PCDHGB1: variants seen among roughly 807,000 people sequenced by gnomAD.
The protein encoded by PCDHGB1 is protocadherin gamma-B1.
A neutral mutation model predicts 56.6 loss-of-function variants in PCDHGB1; 34 were observed. The ratio of observed to expected loss-of-function variants is 0.60; its 90% CI spans 0.46 to 0.80. The LOEUF (loss-of-function observed/expected upper bound fraction) is 0.80. Among genes scored for constraint, PCDHGB1 ranks in the 30% least tolerant of loss-of-function variants. The pLI is 0.00. For missense variants in PCDHGB1, 1,278 were observed against 1,204.6 expected (o/e 1.06, Z -0.90); for synonymous variants, 561 against 505.9 (o/e 1.11, Z -1.46).
chr5:141,419,350 G>A, intron 1 of PCDHGB1: 1 of 1,613,848 alleles, frequency 6.2e-7, no homozygotes, highest in Non-Finnish European at 8.5e-7. Context: ...GCGACCTGGA[G>A]TCACGAACGC....
At position 141,420,090 on chromosome 5, in the gene PCDHGB1, G is replaced by A. The variant is rs779478924; in HGVS notation, c.2409+67421G>A. 4.2e-5 allele frequency: 68 copies of A among 1,613,932 alleles called. No individual in the cohort carries two copies. Among genetic ancestry groups the A allele is most frequent in the Non-Finnish European group, 5.7e-5 (67 of 1,179,886 alleles). On this transcript the variant is annotated intron_variant, in intron 1 of 3. Coordinates refer to ENST00000523390, the MANE Select transcript of PCDHGB1 (RefSeq NM_018922.3). ...GGACCTGTGGGTCCCCCCAACTACA[G>A]TGAGGGAACGTTGCCCTATGCCTAT...
chr5:141,394,194 A>C (rs919478906), intron 1 of PCDHGB1: 3 of 1,613,842 alleles, frequency 1.9e-6, no homozygotes, highest in Non-Finnish European at 2.5e-6. Flanking sequence ...CTCAGCGTAT[A>C]TCCTAGAGAA....
At chr5:141,414,894 A>T in intron 1 of PCDHGB1, 1 of 1,613,958 alleles carries the variant, frequency 6.2e-7, no homozygotes, top group South Asian at 1.1e-5. Flanking sequence ...CCCTCCCCAC[A>T]GACGGTTCCA....
At chr5:141,418,974 G>A in intron 1 of PCDHGB1, 2 of 1,613,936 alleles carry the variant, frequency 1.2e-6, no homozygotes, top group Non-Finnish European at 1.7e-6. Context: ...TTCAAAACAC[G>A]GGACCAAGAC....
Position 141,491,663 on chromosome 5 carries a change from T to G in PCDHGB1, c.2410-3144T>G, listed in dbSNP as rs895604632. ...GCTCTGGCGCTGGAGCCTGACGCCA[T>G]CCGGTCCCGCTCTAATACGCTGCGG... On this transcript the variant is annotated intron_variant, in intron 1 of 3. Coordinates refer to ENST00000523390, the MANE Select transcript of PCDHGB1 (RefSeq NM_018922.3). The surrounding 1 kb of genome is among the most constrained non-coding windows in gnomAD (Gnocchi z 6.9). The G allele has an allele frequency of 3.1e-6, 5 of 1,613,650 alleles. No homozygotes were observed. Among genetic ancestry groups the G allele is most frequent in the Non-Finnish European group, 4.2e-6 (5 of 1,180,014 alleles).
At chr5:141,444,380 A>G (rs1475986922) in intron 1 of PCDHGB1, among the ~76,000 whole-genome samples, 1 of 151,876 alleles carries the variant, frequency 6.6e-6, no homozygotes, top group Non-Finnish European at 1.5e-5. Context: ...CATGTTGGTC[A>G]GGCTAGTCTT....
At chr5:141,415,079 C>A (rs1388248799) in intron 1 of PCDHGB1, 1 of 1,613,380 alleles carries the variant, frequency 6.2e-7, no homozygotes, top group Non-Finnish European at 8.5e-7. Context: ...ACGGCGCGAG[C>A]CCTGCTGGAC....
At position 141,350,723 on chromosome 5, in the gene PCDHGB1, C is replaced by T; in HGVS notation, c.463C>T (p.Gln155Ter). Reference sequence around the variant, plus strand: ...GGTAAAATTCTCTCTGGATTCTGCTCAAGATGCAGATGTGGAAGGCAATTC... The same window carrying T: ...GGTAAAATTCTCTCTGGATTCTGCTTAAGATGCAGATGTGGAAGGCAATTC... ...PGVKFSLDSA[Q>*]DADVEGNSLK... Residue 155 changes from glutamine to a stop codon, truncating the protein, a stop_gained, in exon 1 of 4, where the codon CAA becomes TAA. Coordinates refer to ENST00000523390, the MANE Select transcript of PCDHGB1 (RefSeq NM_018922.3). LOFTEE classifies it high-confidence loss of function. 1 of 1,613,944 alleles carries T rather than the reference C, an allele frequency of 6.2e-7. No homozygotes were observed. The highest frequency in any genetic ancestry group is 8.5e-7 in the Non-Finnish European group (1 of 1,179,880).
chr5:141,442,006 G>A (rs540427406), intron 1 of PCDHGB1: 77 of 229,074 alleles, frequency 3.4e-4, no homozygotes, highest in African/African-American at 1.6e-3. Context: ...CTGACAGCTC[G>A]CACGATGGGC....
At chr5:141,456,341 C>G (rs950158154) in intron 1 of PCDHGB1, among the ~76,000 whole-genome samples, 4 of 152,034 alleles carry the variant, frequency 2.6e-5, no homozygotes, top group Admixed American at 1.3e-4. Context: ...TAAGGGTCCT[C>G]GGAAGAATGG....
At chr5:141,357,706 T>C in intron 1 of PCDHGB1, 1 of 1,481,654 alleles carries the variant, frequency 6.7e-7, no homozygotes, top group South Asian at 1.3e-5. Flanking sequence ...ATGTAATATA[T>C]CAAATAAAGT....
rs1409012917 is a variant in PCDHGB1 at position 141,512,928 on chromosome 5, T to A, written c.*1755T>A. On this transcript the variant is annotated 3_prime_UTR_variant, in exon 4 of 4. Transcript: ENST00000523390. ...CAAGTTTTATACTCTAATATTTATA[T>A]GGCTTTTTTTCTTCGACAAAAAAAT... is the stretch of plus-strand genomic sequence containing the variant. 1.3e-5 allele frequency: 2 copies of A among 152,190 alleles called. No individual in the cohort carries two copies. Among genetic ancestry groups the A allele is most frequent in the Non-Finnish European group, 2.9e-5 (2 of 68,044 alleles). The allele number at this position is 152,190 out of a possible 1,614,324, so 9.4% of individuals were successfully genotyped here.
In PCDHGB1 at chr5:141,395,514, C is replaced by T. The variant is rs138744897; in HGVS notation, c.2409+42845C>T. 1.1e-3 allele frequency: 455 copies of T among 421,180 alleles called. 7 individuals carry two copies. The highest frequency in any genetic ancestry group is 8.9e-3 in the African/African-American group (432 of 48,430). The allele number at this position is 421,180 out of a possible 1,614,324, so 26.1% of individuals were successfully genotyped here. ...ACTCATTCACTTAAGAAGTAGCTAC[C>T]CGTCCATACTGGTAATTTTGCTATT... On this transcript the variant is annotated intron_variant, in intron 1 of 3. Transcript: ENST00000523390.
rs751243167 is a variant in PCDHGB1, at chr5:141,361,306, A to G, written c.2409+8637A>G. 2.5e-6 allele frequency: 4 copies of G among 1,613,858 alleles called. No homozygotes were observed. In the Admixed American group the frequency reaches 6.7e-5, roughly 27 times the overall value. ...TTACTGCCAAGTGTTGGGAAATGCC[A>G]AGTTTATTTTGAAATCTTCCTCAAA... On this transcript the variant is annotated intron_variant, in intron 1 of 3. Coordinates refer to ENST00000523390, the MANE Select transcript of PCDHGB1 (RefSeq NM_018922.3).
intron 2 of PCDHGB1, among the ~76,000 whole-genome samples, chr5:141,495,663 G>T (rs756466649): frequency 6.6e-6 from 1 of 152,050 alleles, no homozygotes; most frequent in African/African-American, 2.4e-5. Context: ...GATCTGTGCC[G>T]CCCACTGTGC....
chr5:141,502,784 G>C (rs185608958), intron 2 of PCDHGB1, among the ~76,000 whole-genome samples: 1 of 151,804 alleles, frequency 6.6e-6, no homozygotes, highest in Non-Finnish European at 1.5e-5. Flanking sequence ...AAATTACCTG[G>C]ATGATTTCTT....
At chr5:141,394,648 G>T (rs1294007915) in intron 1 of PCDHGB1, 1 of 1,613,404 alleles carries the variant, frequency 6.2e-7, no homozygotes, top group East Asian at 2.2e-5. Flanking sequence ...CTCAAGGCCA[G>T]CGAGCCGGGA....
intron 1 of PCDHGB1, among the ~76,000 whole-genome samples, chr5:141,456,023 G>A (rs937523861): frequency 1.3e-5 from 2 of 151,586 alleles, no homozygotes; most frequent in South Asian, 2.1e-4. Context: ...TCAGCCTCCC[G>A]AGTAGCTGGG....
chr5:141,350,914 T>C lies in PCDHGB1; in HGVS notation c.654T>C (p.Pro218=). ...CTGCCATGGATGGCGGGGACCCGCC[T>C]CTAAGCGGCACCACCCATATCTGGA... The part of the protein sequence containing the change: ...ILTAMDGGDP[P]LSGTTHIWIR... Residue 218 remains proline, a synonymous_variant, in exon 1 of 4, where the codon CCT becomes CCC. Transcript: ENST00000523390. 1 of 1,614,086 alleles carries C rather than the reference T, an allele frequency of 6.2e-7. No homozygotes were observed. The highest frequency in any genetic ancestry group is 1.1e-5 in the South Asian group (1 of 91,088).
Sources: gnomAD v4.1 joint callset for allele counts (sites outside exome capture counted in the v4.1 genomes callset) on GRCh38, gnomAD v4.1.1 for gene constraint, Gnocchi (gnomAD v3.1) non-coding constraint, MANE v1.5 for transcripts, NCBI Gene and HGNC (gene_info 2026-07-23, HGNC 2026-07-21) for gene names.